The following BTG4 variants were observed in gnomAD, a reference collection of about 807,000 sequenced individuals.
The protein encoded by BTG4 is protein BTG4.
BTG4 carries 10 observed loss-of-function variants against 19.3 expected under a neutral mutation model. The ratio of observed to expected loss-of-function variants is 0.52; its 90% CI spans 0.32 to 0.88. The LOEUF (loss-of-function observed/expected upper bound fraction) is 0.88. BTG4 is among the 40% of genes least tolerant of loss of function. BTG4 has a pLI of 0.04. For synonymous variants in BTG4, 91 were observed against 95.7 expected, an observed-to-expected ratio of 0.95 and a Z score of 0.29; for missense variants, 238 against 281.9, an observed-to-expected ratio of 0.84 and a Z score of 1.11.
chr11:111,444,312 G>A, the BTG4 span, among the ~76,000 whole-genome samples: 3 of 150,516 alleles, frequency 2.0e-5, no homozygotes, highest in Non-Finnish European at 3.0e-5. Context: ...GGAGGGGAGG[G>A]GAGAGAAGAC....
chr11:111,503,494 G>T (rs1866232865), intron 1 of BTG4, among the ~76,000 whole-genome samples: 1 of 152,128 alleles, frequency 6.6e-6, no homozygotes, highest in Non-Finnish European at 1.5e-5. Context: ...TAAGACATTT[G>T]TTCCCTTGCT....
At chr11:111,412,572 C>T in the BTG4 span, among the ~76,000 whole-genome samples, 1 of 152,166 alleles carries the variant, frequency 6.6e-6, no homozygotes, top group South Asian at 2.1e-4. Flanking sequence ...GAATAACATT[C>T]ATGTGGTGCT....
chr11:111,424,123 A>G, the BTG4 span, among the ~76,000 whole-genome samples: 28 of 152,354 alleles, frequency 1.8e-4, 1 homozygote, highest in South Asian at 5.6e-3. Context: ...CATGTTCTTC[A>G]GAGAGCTCTT....
At chr11:111,473,719 T>C (rs1055127500) in intron 5 of BTG4, among the ~76,000 whole-genome samples, 2 of 151,966 alleles carry the variant, frequency 1.3e-5, no homozygotes, top group Non-Finnish European at 2.9e-5. Flanking sequence ...AGTAAAAAAG[T>C]TGTAGTTTAA....
the BTG4 span, among the ~76,000 whole-genome samples, chr11:111,441,397 T>C: frequency 2.0e-4 from 31 of 151,588 alleles, no homozygotes; most frequent in Non-Finnish European, 3.8e-4. Flanking sequence ...GAGAGATGGC[T>C]CCTTGAGCAC....
At position 111,497,274 on chromosome 11, in the gene BTG4, T is replaced by G; in HGVS notation, c.447A>C (p.Glu149Asp). The G allele has an allele frequency of 6.2e-7, 1 of 1,612,596 alleles. No homozygotes were observed. Among genetic ancestry groups the G allele is most frequent in the South Asian group, 1.1e-5 (1 of 90,680 alleles). Residue 149 changes from glutamate to aspartate, a missense_variant, in exon 4 of 5, where the codon GAA (glutamate) becomes GAC (aspartate). Transcript: ENST00000692032. ...SDVSSGTSCD[E>D]ESCSKEPRVI... ...CACGAGGTTCCTTGCTACAACTTTCTTCATCGCAGGAAGTGCCAGAGGAAA... is the reference window on the plus strand; with the variant it reads ...CACGAGGTTCCTTGCTACAACTTTCGTCATCGCAGGAAGTGCCAGAGGAAA...
chr11:111,435,462 G>A, the BTG4 span, among the ~76,000 whole-genome samples: 2 of 152,344 alleles, frequency 1.3e-5, no homozygotes, highest in East Asian at 1.9e-4. Context: ...TGACACTTGA[G>A]GACTTGGCTT....
the BTG4 span, among the ~76,000 whole-genome samples, chr11:111,408,100 T>C: frequency 2.0e-5 from 3 of 152,212 alleles, no homozygotes; most frequent in Non-Finnish European, 4.4e-5. Context: ...TTGGAACATG[T>C]AGCCTTCCCT....
chr11:111,416,914 C>T, the BTG4 span: 4 of 152,226 alleles, frequency 2.6e-5, no homozygotes, highest in African/African-American at 7.2e-5. Context: ...TCAGGAGCCA[C>T]GCTGGGCCTG....
intron 5 of BTG4, among the ~76,000 whole-genome samples, chr11:111,468,699 G>T (rs1863876049): frequency 6.6e-6 from 1 of 152,228 alleles, no homozygotes; most frequent in Non-Finnish European, 1.5e-5. Flanking sequence ...CATGGAAGAT[G>T]AAGAAAGCCT....
At chr11:111,392,091 T>TGCCTATG in the BTG4 span, among the ~76,000 whole-genome samples, 1 of 151,412 alleles carries the variant, frequency 6.6e-6, no homozygotes, top group Non-Finnish European at 1.5e-5. Flanking sequence ...TGAAATTACC[T>TGCCTATG]GCCTATGGTT....
chr11:111,444,042 AT>A, the BTG4 span, among the ~76,000 whole-genome samples: 3 of 152,176 alleles, frequency 2.0e-5, no homozygotes, highest in Admixed American at 1.3e-4. Flanking sequence ...TAACAGAATT[AT>A]TTTTTATGGG....
intron 1 of BTG4, among the ~76,000 whole-genome samples, chr11:111,499,187 A>G (rs1326388471): frequency 4.6e-5 from 7 of 152,236 alleles, no homozygotes; most frequent in Admixed American, 1.3e-4. Flanking sequence ...AGTAATTCCA[A>G]AATGTGGCTC....
Position 111,498,012 on chromosome 11 carries a change from A to G in BTG4, c.297T>C (p.Phe99=), listed in dbSNP as rs1300561208. 9.9e-6 allele frequency: 16 copies of G among 1,613,938 alleles called. No homozygotes were observed. Among genetic ancestry groups the G allele is most frequent in the Non-Finnish European group, 1.4e-5 (16 of 1,179,940 alleles). The change falls in exon 3 of 5, where the codon TTT becomes TTC. Residue 99 remains phenylalanine (F), a synonymous_variant. Transcript: ENST00000692032. ...PKEMTIWVDP[F]EVCCRYGEKN... ...AGATTACTCACCTACAGCATACTTC[A>G]AAGGGATCTACCCATATGGTCATCT...
chr11:111,434,691 T>C, the BTG4 span, among the ~76,000 whole-genome samples: 1 of 150,370 alleles, frequency 6.7e-6, no homozygotes, highest in African/African-American at 2.5e-5. Context: ...CAATAAATAG[T>C]ATAATAATTG....
At chr11:111,492,682 T>C (rs1041898555), downstream of BTG4, among the ~76,000 whole-genome samples, 5 of 152,148 alleles carry the variant, frequency 3.3e-5, no homozygotes, top group Admixed American at 3.3e-4. Context: ...TATGAAACAA[T>C]TATAATAGAT....
the BTG4 span, among the ~76,000 whole-genome samples, chr11:111,413,739 A>G: frequency 1.3e-5 from 2 of 152,240 alleles, no homozygotes; most frequent in Admixed American, 1.3e-4. Flanking sequence ...GACCTATATC[A>G]GAGTGTGTTA....
At chr11:111,390,475 A>G in the BTG4 span, among the ~76,000 whole-genome samples, 1 of 152,250 alleles carries the variant, frequency 6.6e-6, no homozygotes, top group African/African-American at 2.4e-5. Context: ...TCTTGGGCAC[A>G]TTCAGAAAAG....
At chr11:111,434,118 C>G in the BTG4 span, among the ~76,000 whole-genome samples, 8 of 152,296 alleles carry the variant, frequency 5.3e-5, no homozygotes, top group Non-Finnish European at 1.2e-4. Context: ...TATTGTGTCA[C>G]TATTCACAAT....
Sources: gnomAD v4.1 joint callset for allele counts (sites outside exome capture counted in the v4.1 genomes callset) on GRCh38, gnomAD v4.1.1 for gene constraint, MANE v1.5 for transcripts, NCBI Gene and HGNC (gene_info 2026-07-23, HGNC 2026-07-21) for gene names.